Variants in FHOD3 observed in about 807,000 individuals in gnomAD.
FHOD3 encodes the protein formin homology 2 domain containing 3, also known as FH1/FH2 domain-containing protein 3.
Under a neutral mutation model 173.0 loss-of-function variants are expected in FHOD3, and 90 were observed. The observed-to-expected ratio is 0.52, with a 90% CI of 0.44 to 0.62. The LOEUF (loss-of-function observed/expected upper bound fraction) is 0.62. Ranked by LOEUF, FHOD3 falls within the 20% of genes least tolerant of loss-of-function variation. FHOD3 has a pLI of 0.00. For missense variants in FHOD3, 1,945 were observed against 2,034.7 expected (o/e 0.96, Z 0.85); for synonymous variants, 828 against 823.0 (o/e 1.01, Z -0.10).
At position 36,633,281 on chromosome 18, in the gene FHOD3, T is replaced by C. The variant is rs566999980; in HGVS notation, c.1196+7532T>C. ...GGGAAGCTGCTGATCACTAGCTTTATGTGTTTTTTCTCTCTTAGGAGACCG... is the reference window on the plus strand; with the variant it reads ...GGGAAGCTGCTGATCACTAGCTTTACGTGTTTTTTCTCTCTTAGGAGACCG... On this transcript the variant is annotated intron_variant, in intron 10 of 28. Transcript: ENST00000590592. Among the ~76,000 whole-genome samples the C allele has an allele frequency of 2.6e-5, 4 of 152,324 alleles. No individual in the cohort carries two copies. The East Asian group carries it at 7.7e-4, about 29-fold the overall frequency.
intron 3 of FHOD3, among the ~76,000 whole-genome samples, chr18:36,408,302 A>T (rs2049167425): frequency 6.6e-6 from 1 of 152,252 alleles, no homozygotes; most frequent in Non-Finnish European, 1.5e-5. Flanking sequence ...AGGGGTGTCC[A>T]TCAACCTGGT....
At chr18:36,352,894 C>T (rs2046198245) in intron 1 of FHOD3, among the ~76,000 whole-genome samples, 2 of 152,204 alleles carry the variant, frequency 1.3e-5, no homozygotes, top group South Asian at 4.1e-4. Flanking sequence ...CCAATGATTA[C>T]AACCAGACAC....
chr18:36,636,757 T>C (rs2034918147), intron 10 of FHOD3, among the ~76,000 whole-genome samples: 1 of 151,518 alleles, frequency 6.6e-6, no homozygotes. Flanking sequence ...GGTCAGGGCC[T>C]GTGGGGTGCA....
chr18:36,429,898 G>A (rs1315641209), intron 3 of FHOD3, among the ~76,000 whole-genome samples: 1 of 152,138 alleles, frequency 6.6e-6, no homozygotes, highest in African/African-American at 2.4e-5. Context: ...AGGTCTGTGG[G>A]TGGACTTCTG....
intron 5 of FHOD3, among the ~76,000 whole-genome samples, chr18:36,528,920 C>T (rs2056654932): frequency 6.6e-6 from 1 of 152,202 alleles, no homozygotes; most frequent in Admixed American, 6.5e-5. Context: ...CTCGCACACT[C>T]ACTGCCCTGG....
Position 36,399,157 on chromosome 18 carries a change from C to G in FHOD3, c.337+26413C>G, listed in dbSNP as rs113348847. Among the ~76,000 whole-genome samples the G allele has an allele frequency of 7.5e-3, 1,137 of 152,322 alleles. 16 individuals are homozygous for G. The highest frequency in any genetic ancestry group is 0.026 in the African/African-American group (1,078 of 41,572). ...TTCTGAAAACAGGCCCATCACATTC[C>G]TTGGTGTTGATAATGGGGCACTGGA... On this transcript the variant is annotated intron_variant, in intron 3 of 28. Transcript: ENST00000590592.
At chr18:36,642,143 A>C (rs2035356550) in intron 10 of FHOD3, among the ~76,000 whole-genome samples, 1 of 152,144 alleles carries the variant, frequency 6.6e-6, no homozygotes, top group South Asian at 2.1e-4. Context: ...ACCTGAGGGC[A>C]AAGGATGGGA....
At chr18:36,329,335 G>A (rs566468757) in intron 1 of FHOD3, among the ~76,000 whole-genome samples, 6 of 152,058 alleles carry the variant, frequency 3.9e-5, no homozygotes, top group Non-Finnish European at 7.4e-5. Context: ...AAATTCTGCC[G>A]CTGAGCAAAG....
At chr18:36,355,427 T>A (rs2046314645) in intron 1 of FHOD3, 112 bp from the exon 2 acceptor site, 1 of 803,614 alleles carries the variant, frequency 1.2e-6, no homozygotes, top group Admixed American at 2.3e-5. Context: ...GATCCACATT[T>A]CAGAACATTG....
intron 3 of FHOD3, among the ~76,000 whole-genome samples, chr18:36,394,566 G>A (rs748221215): frequency 2.0e-5 from 3 of 152,154 alleles, no homozygotes; most frequent in Non-Finnish European, 2.9e-5. Flanking sequence ...TCAATCAGTT[G>A]CACTTAATGT....
At chr18:36,575,272 C>T (rs984509716) in intron 5 of FHOD3, among the ~76,000 whole-genome samples, 3 of 152,116 alleles carry the variant, frequency 2.0e-5, no homozygotes, top group African/African-American at 7.2e-5. Flanking sequence ...TGCCCAGCCA[C>T]TAATGTAGTT....
intron 3 of FHOD3, among the ~76,000 whole-genome samples, chr18:36,429,581 T>C (rs938533180): frequency 6.6e-6 from 1 of 152,152 alleles, no homozygotes; most frequent in Non-Finnish European, 1.5e-5. Flanking sequence ...TTAAAGACTA[T>C]TTTTAGCTTG....
intron 3 of FHOD3, among the ~76,000 whole-genome samples, chr18:36,459,837 C>A (rs78226452): frequency 6.6e-6 from 1 of 152,094 alleles, no homozygotes; most frequent in Admixed American, 6.5e-5. Flanking sequence ...TGTCATACTT[C>A]ATTAGATTCC....
At chr18:36,738,844 T>G (rs1351109583) in intron 20 of FHOD3, among the ~76,000 whole-genome samples, 5 of 152,370 alleles carry the variant, frequency 3.3e-5, no homozygotes, top group African/African-American at 1.2e-4. Context: ...GCTTTTTATT[T>G]ATTAAAGTCA....
At chr18:36,511,003 A>C (rs1344299844) in intron 4 of FHOD3, among the ~76,000 whole-genome samples, 1 of 152,178 alleles carries the variant, frequency 6.6e-6, no homozygotes, top group Non-Finnish European at 1.5e-5. Context: ...AAAAATCAAA[A>C]TAAGGGGCTG....
intron 3 of FHOD3, among the ~76,000 whole-genome samples, chr18:36,436,843 T>C (rs1427520666): frequency 6.6e-6 from 1 of 152,196 alleles, no homozygotes. Flanking sequence ...AGTTGAAAAT[T>C]AATGTTCTGA....
intron 3 of FHOD3, among the ~76,000 whole-genome samples, chr18:36,482,856 C>CAGAGAGAG (rs1198142796): frequency 3.1e-5 from 2 of 64,066 alleles, no homozygotes; most frequent in African/African-American, 1.1e-4. Flanking sequence ...CTCACACACA[C>CAGAGAGAG]ACAGAGAGAG....
At chr18:36,371,095 C>T (rs2047164471) in intron 2 of FHOD3, among the ~76,000 whole-genome samples, 2 of 152,134 alleles carry the variant, frequency 1.3e-5, no homozygotes, top group African/African-American at 2.4e-5. Flanking sequence ...AGACTAATGG[C>T]TTCCATATAA....
intron 10 of FHOD3, among the ~76,000 whole-genome samples, chr18:36,634,498 A>G (rs1182308706): frequency 2.6e-5 from 4 of 152,172 alleles, no homozygotes; most frequent in Non-Finnish European, 4.4e-5. Context: ...GAGCAGCCCT[A>G]TCTCTTTCTT....
Sources: allele counts gnomAD v4.1 joint callset (sites outside exome capture counted in the v4.1 genomes callset), GRCh38; gene constraint gnomAD v4.1.1; transcripts MANE v1.5; gene names NCBI Gene and HGNC (gene_info 2026-07-23, HGNC 2026-07-21).